RHBDD1: variants seen among roughly 807,000 people sequenced by gnomAD.
RHBDD1 encodes rhomboid-related protein 4.
In RHBDD1, 38 loss-of-function variants were observed where a neutral mutation model predicts 36.3. That is an observed-to-expected ratio of 1.05 (90% CI 0.81 to 1.37). The LOEUF is 1.37. RHBDD1 is among the 40% of genes most tolerant of loss of function. The pLI, the probability that RHBDD1 is intolerant of heterozygous loss-of-function variation, is 0.00. For missense variants in RHBDD1, 393 were observed against 377.6 expected (o/e 1.04, Z -0.34); for synonymous variants, 151 against 136.5 (o/e 1.11, Z -0.74).
intron 4 of RHBDD1, among the ~76,000 whole-genome samples, chr2:226,866,789 T>C (rs1944385318): frequency 6.6e-6 from 1 of 152,214 alleles, no homozygotes; most frequent in Non-Finnish European, 1.5e-5. Flanking sequence ...AAAGAATATA[T>C]GCCCTGTCTT....
chr2:226,894,302 C>G (rs1946917207), intron 5 of RHBDD1, among the ~76,000 whole-genome samples: 1 of 152,156 alleles, frequency 6.6e-6, no homozygotes, highest in Admixed American at 6.5e-5. Flanking sequence ...CAGAGTCTCA[C>G]TGTGTTGCCA....
At position 226,925,845 on chromosome 2, in the gene RHBDD1, T is replaced by C. The variant is rs564014515; in HGVS notation, c.856+11494T>C. 9.1e-4 allele frequency among the ~76,000 whole-genome samples: 139 copies of C among 152,306 alleles called. 4 individuals are homozygous for C. The South Asian group carries it at 0.028, about 30-fold the overall frequency. On this transcript the variant is annotated intron_variant, in intron 8 of 8. Coordinates refer to ENST00000392062, the MANE Select transcript of RHBDD1 (RefSeq NM_001167608.3). The stretch of plus-strand genomic sequence containing the variant: ...TTAATTGCAGAGCTAATTAGAATCA[T>C]AAGTAGCATACCAGTGTCATTGTGG...
chr2:226,956,963 A>G (rs1951826826), intron 8 of RHBDD1, among the ~76,000 whole-genome samples: 1 of 152,202 alleles, frequency 6.6e-6, no homozygotes. Context: ...TTGTTTACTT[A>G]CCACTTCAAG....
intron 8 of RHBDD1, among the ~76,000 whole-genome samples, chr2:226,977,859 A>G (rs895048146): frequency 6.6e-5 from 10 of 152,256 alleles, no homozygotes; most frequent in East Asian, 5.8e-4. Flanking sequence ...AGTTCCTCCA[A>G]TAGTACCATT....
chr2:226,836,767 TC>T (rs1381008345), intron 1 of RHBDD1, among the ~76,000 whole-genome samples: 1 of 152,246 alleles, frequency 6.6e-6, no homozygotes, highest in East Asian at 1.9e-4. Flanking sequence ...CCCAGGCTTT[TC>T]TTTTTTCTCT....
At chr2:226,891,866 A>C (rs985163783) in intron 5 of RHBDD1, among the ~76,000 whole-genome samples, 9 of 152,236 alleles carry the variant, frequency 5.9e-5, no homozygotes, top group African/African-American at 2.2e-4. Flanking sequence ...GCCATTGGTC[A>C]GTGCTTCACT....
the RHBDD1 span, among the ~76,000 whole-genome samples, chr2:226,807,017 AG>A: frequency 6.6e-6 from 1 of 152,126 alleles, no homozygotes; most frequent in Non-Finnish European, 1.5e-5. Flanking sequence ...TTTTTTCTTA[AG>A]TGGTTGGGCA....
At chr2:226,812,427 G>A in the RHBDD1 span, among the ~76,000 whole-genome samples, 7 of 152,156 alleles carry the variant, frequency 4.6e-5, no homozygotes, top group Non-Finnish European at 8.8e-5. Flanking sequence ...TCTTAAAAAC[G>A]TATTCACTGA....
chr2:226,977,001 G>T (rs1053362394), intron 8 of RHBDD1, among the ~76,000 whole-genome samples: 1 of 152,184 alleles, frequency 6.6e-6, no homozygotes, highest in Admixed American at 6.5e-5. Flanking sequence ...CACAAGACTC[G>T]GGTTCCTGGT....
chr2:226,804,499 T>A, the RHBDD1 span: 1 of 152,010 alleles, frequency 6.6e-6, no homozygotes. Context: ...CCTGCATGAG[T>A]CTCCCAATAT....
At chr2:226,976,399 C>T (rs1390941741) in intron 8 of RHBDD1, among the ~76,000 whole-genome samples, 1 of 151,574 alleles carries the variant, frequency 6.6e-6, no homozygotes, top group Non-Finnish European at 1.5e-5. Context: ...GCAGCAACAT[C>T]AAAGGAGCAG....
chr2:226,963,529 C>G (rs1207811545), intron 8 of RHBDD1, among the ~76,000 whole-genome samples: 3 of 152,174 alleles, frequency 2.0e-5, no homozygotes, highest in Non-Finnish European at 4.4e-5. Flanking sequence ...GAGTAATCAA[C>G]TCCCAGTGTT....
chr2:226,964,667 A>T (rs1952485871), intron 8 of RHBDD1, among the ~76,000 whole-genome samples: 1 of 152,234 alleles, frequency 6.6e-6, no homozygotes, highest in Non-Finnish European at 1.5e-5. Flanking sequence ...TACAAACTGA[A>T]TTTATAATTC....
At chr2:226,823,146 G>A in the RHBDD1 span, among the ~76,000 whole-genome samples, 3 of 152,078 alleles carry the variant, frequency 2.0e-5, no homozygotes, top group South Asian at 2.1e-4. Flanking sequence ...GAACCCTGAG[G>A]GGGCTTGTTT....
rs148461161 is a variant in RHBDD1 at position 226,893,530 on chromosome 2, T to C, written c.567-13263T>C. On this transcript the variant is annotated intron_variant, in intron 5 of 8. Coordinates refer to ENST00000392062, the MANE Select transcript of RHBDD1 (RefSeq NM_001167608.3). ...GCGTATCAGTTCAATATGTTATAGA[T>C]TGACTTGGAATCCTTGGAATTTTTG... Among the ~76,000 whole-genome samples, 39 of 152,348 alleles carry C rather than the reference T, an allele frequency of 2.6e-4. No homozygotes were observed. In the East Asian group the frequency reaches 7.3e-3, roughly 29 times the overall value.
At chr2:226,962,917 A>G (rs1206229966) in intron 8 of RHBDD1, among the ~76,000 whole-genome samples, 1 of 152,136 alleles carries the variant, frequency 6.6e-6, no homozygotes, top group African/African-American at 2.4e-5. Flanking sequence ...TACTTTTTCA[A>G]GTGCTTTTGT....
chr2:226,913,363 A>G (rs1948654382), intron 7 of RHBDD1, among the ~76,000 whole-genome samples: 1 of 152,214 alleles, frequency 6.6e-6, no homozygotes, highest in African/African-American at 2.4e-5. Flanking sequence ...AGACTATTTT[A>G]CTTCTCTCTC....
intron 8 of RHBDD1, among the ~76,000 whole-genome samples, chr2:226,974,652 T>G (rs1397632990): frequency 6.6e-6 from 1 of 152,144 alleles, no homozygotes; most frequent in East Asian, 1.9e-4. Context: ...TCTGGTTTGG[T>G]TCTAAAATAA....
chr2:226,926,389 T>G (rs756947796), intron 8 of RHBDD1, among the ~76,000 whole-genome samples: 12 of 152,216 alleles, frequency 7.9e-5, no homozygotes, highest in Admixed American at 2.6e-4. Context: ...TTCAAGGTTC[T>G]GATGTTGCAT....
Sources: allele counts gnomAD v4.1 joint callset (sites outside exome capture counted in the v4.1 genomes callset), GRCh38; gene constraint gnomAD v4.1.1; transcripts MANE v1.5; gene names NCBI Gene and HGNC (gene_info 2026-07-23, HGNC 2026-07-21).